Variants in DIAPH2 observed in about 807,000 individuals in gnomAD.
DIAPH2 encodes diaphanous related formin 2.
In DIAPH2, 35 loss-of-function variants were observed where a neutral mutation model predicts 92.7. That is an observed-to-expected ratio of 0.38 (90% CI 0.29 to 0.50). The LOEUF is 0.50. DIAPH2 is among the 20% of genes least tolerant of loss of function. The pLI is 0.94. For missense variants in DIAPH2, 701 were observed against 819.5 expected (o/e 0.86, Z 1.77); for synonymous variants, 301 against 280.4 (o/e 1.07, Z -0.73).
At position 96,774,351 on chromosome X, in the gene DIAPH2, G is replaced by A. The variant is rs550195020; in HGVS notation, c.447+16093G>A. ...GTTAATATTTAGTCTTTCACCATGTGCTAGTAGGCAATTCTTATTTTCTGC... is the reference window on the plus strand; with the variant it reads ...GTTAATATTTAGTCTTTCACCATGTACTAGTAGGCAATTCTTATTTTCTGC... On this transcript the variant is annotated intron_variant, in intron 4 of 26. Transcript: ENST00000324765. Among the ~76,000 whole-genome samples, 3 of 111,718 alleles carry A rather than the reference G, an allele frequency of 2.7e-5. No individual in the cohort carries two copies. The South Asian group carries it at 1.1e-3, about 42-fold the overall frequency.
At chrX:97,384,868 A>AAAAT (rs545581528) in intron 25 of DIAPH2, among the ~76,000 whole-genome samples, 7,951 of 107,786 alleles carry the variant, frequency 0.074, 307 homozygotes, top group Middle Eastern at 0.1. Context: ...TGTATCTCAA[A>AAAAT]AAATAAATAA....
chrX:97,452,859 A>G (rs1406659716), intron 26 of DIAPH2, among the ~76,000 whole-genome samples: 1 of 112,059 alleles, frequency 8.9e-6, no homozygotes, highest in Non-Finnish European at 1.9e-5. Flanking sequence ...TTTTCCAAAT[A>G]AATGCTCTGT....
chrX:96,749,755 A>G (rs990045588), intron 3 of DIAPH2, among the ~76,000 whole-genome samples: 6 of 111,220 alleles, frequency 5.4e-5, no homozygotes, highest in African/African-American at 2.0e-4. Context: ...GGCTCTTTCC[A>G]TTTTTTCTTC....
At chrX:97,137,270 C>CATAT (rs57799375) in intron 21 of DIAPH2, among the ~76,000 whole-genome samples, 12,103 of 67,706 alleles carry the variant, frequency 0.18, 1,162 homozygotes, top group East Asian at 0.29. Flanking sequence ...CGCAGTTATA[C>CATAT]ATATATATAT....
At chrX:97,012,288 G>C (rs1419175834) in intron 17 of DIAPH2, among the ~76,000 whole-genome samples, 3 of 112,027 alleles carry the variant, frequency 2.7e-5, no homozygotes, top group Non-Finnish European at 5.6e-5. Context: ...CTCTGTGCTA[G>C]CCACTGTTCT....
chrX:97,145,678 G>A (rs865834554), intron 22 of DIAPH2, among the ~76,000 whole-genome samples: 60 of 110,156 alleles, frequency 5.4e-4, no homozygotes, highest in Non-Finnish European at 1.0e-3. Flanking sequence ...TTATATCACT[G>A]TTTGGGCCAT....
chrX:96,884,446 G>A (rs2065243264), intron 5 of DIAPH2: 2 of 1,208,714 alleles, frequency 1.7e-6, no homozygotes, highest in East Asian at 3.0e-5. Flanking sequence ...AATTCAGGAC[G>A]TTGTACCGTG....
At chrX:97,596,030 G>A (rs973801059) in intron 26 of DIAPH2, among the ~76,000 whole-genome samples, 14 of 111,924 alleles carry the variant, frequency 1.3e-4, no homozygotes, top group South Asian at 3.7e-4. Context: ...CTTCACATGG[G>A]GCACATTTCA....
chrX:97,025,645 CCG>C (rs1454185462), intron 17 of DIAPH2, among the ~76,000 whole-genome samples: 9 of 110,192 alleles, frequency 8.2e-5, no homozygotes, highest in Non-Finnish European at 1.7e-4. Flanking sequence ...GAGCAAGACT[CCG>C]TCTCAAAAAC....
intron 21 of DIAPH2, among the ~76,000 whole-genome samples, chrX:97,125,058 G>C (rs2067082999): frequency 9.0e-6 from 1 of 111,637 alleles, no homozygotes; most frequent in Admixed American, 9.5e-5. Context: ...GACACAGAAT[G>C]AGAGAAAGAT....
intron 19 of DIAPH2, among the ~76,000 whole-genome samples, chrX:97,093,156 C>G (rs1162840941): frequency 9.7e-6 from 1 of 103,005 alleles, no homozygotes; most frequent in East Asian, 3.0e-4. Context: ...CTACTGCACT[C>G]CAGCCTGGGC....
At chrX:97,585,253 C>CTT (rs5903087) in intron 26 of DIAPH2, among the ~76,000 whole-genome samples, 116 of 92,202 alleles carry the variant, frequency 1.3e-3, no homozygotes, top group Non-Finnish European at 1.7e-3. Context: ...GCTCCACTGA[C>CTT]TTTTTTTTTT....
chrX:97,044,196 A>G (rs2066465327), intron 17 of DIAPH2, among the ~76,000 whole-genome samples: 1 of 112,100 alleles, frequency 8.9e-6, no homozygotes, highest in South Asian at 3.7e-4. Flanking sequence ...ATTTTGCAAT[A>G]AAAGAAAAAT....
At chrX:96,813,768 G>C (rs746628309) in intron 4 of DIAPH2, among the ~76,000 whole-genome samples, 23 of 111,467 alleles carry the variant, frequency 2.1e-4, no homozygotes, top group Non-Finnish European at 4.3e-4. Flanking sequence ...GATTTTATTT[G>C]TCCTTCACTT....
chrX:97,379,068 G>A (rs957999777), intron 24 of DIAPH2, among the ~76,000 whole-genome samples: 4 of 111,793 alleles, frequency 3.6e-5, no homozygotes, highest in African/African-American at 1.3e-4. Flanking sequence ...TAACCAGAAT[G>A]ATCCAAAACT....
rs780805814 is a variant in DIAPH2, at chrX:96,966,595, G to A, written c.2050+1388G>A. Among the ~76,000 whole-genome samples, 127 of 111,880 alleles carry A rather than the reference G, an allele frequency of 1.1e-3. 1 individual carries two copies. The highest frequency in any genetic ancestry group is 1.6e-3 in the Non-Finnish European group (84 of 53,106). On this transcript the variant is annotated intron_variant, in intron 17 of 26. Transcript: ENST00000324765. ...ACCAACTGTGCCTAAAGATTATTCT[G>A]TAGGTGCTTGTGTTTATCTACTGTG...
At chrX:97,531,061 A>G (rs991648782) in intron 26 of DIAPH2, among the ~76,000 whole-genome samples, 3 of 111,335 alleles carry the variant, frequency 2.7e-5, no homozygotes, top group Non-Finnish European at 3.8e-5. Flanking sequence ...CTATGGAAAC[A>G]TGAAAGGTAT....
At chrX:96,784,687 G>C (rs2064442374) in intron 4 of DIAPH2, among the ~76,000 whole-genome samples, 1 of 112,369 alleles carries the variant, frequency 8.9e-6, no homozygotes, top group South Asian at 3.7e-4. Flanking sequence ...GAAAGAAGAA[G>C]ACATGATGGA....
At chrX:96,925,501 T>C (rs976836014) in intron 9 of DIAPH2, among the ~76,000 whole-genome samples, 1 of 111,658 alleles carries the variant, frequency 9.0e-6, no homozygotes, top group Non-Finnish European at 1.9e-5. Flanking sequence ...CACTGCCATT[T>C]TTAATTTCAG....
Sources: allele counts gnomAD v4.1 joint callset (sites outside exome capture counted in the v4.1 genomes callset), GRCh38; gene constraint gnomAD v4.1.1; transcripts MANE v1.5; gene names NCBI Gene and HGNC (gene_info 2026-07-23, HGNC 2026-07-21).